Variants in PPFIBP1 observed in about 807,000 individuals in gnomAD.
The protein encoded by PPFIBP1 is PPFIB scaffold protein 1, also known as liprin-beta-1.
PPFIBP1 carries 112 observed loss-of-function variants against 137.8 expected under a neutral mutation model. The ratio of observed to expected loss-of-function variants is 0.81; its 90% confidence interval spans 0.70 to 0.95. The LOEUF (loss-of-function observed/expected upper bound fraction) is 0.95, where lower values mean the gene tolerates loss of function less well. PPFIBP1 is among the 40% of genes least tolerant of loss of function. The pLI is 0.00. For missense variants in PPFIBP1, 1,083 were observed against 1,196.6 expected (o/e 0.91, Z 1.40); for synonymous variants, 378 against 417.3 (o/e 0.91, Z 1.15).
intron 2 of PPFIBP1, among the ~76,000 whole-genome samples, chr12:27,617,705 C>A (rs529352984): frequency 6.6e-6 from 1 of 152,052 alleles, no homozygotes; most frequent in Non-Finnish European, 1.5e-5. Flanking sequence ...TTTTAAATTT[C>A]TTTTTTTATT....
chr12:27,621,287 C>T (rs561133710), intron 2 of PPFIBP1, among the ~76,000 whole-genome samples: 28 of 152,362 alleles, frequency 1.8e-4, no homozygotes, highest in African/African-American at 5.8e-4. Context: ...AGGCAGTGGG[C>T]TAGATTTGAC....
chr12:27,558,892 T>C (rs1053293231), intron 1 of PPFIBP1, among the ~76,000 whole-genome samples: 1 of 152,170 alleles, frequency 6.6e-6, no homozygotes, highest in Non-Finnish European at 1.5e-5. Flanking sequence ...AGGAAGGGTC[T>C]TGCTTTATTA....
At position 27,648,429 on chromosome 12, in the gene PPFIBP1, G is replaced by C. The variant is rs1322106604; in HGVS notation, c.471+587G>C. On this transcript the variant is annotated intron_variant, in intron 6 of 29. Transcript: ENST00000228425. ...TGTAAATTCATACAACTGCTATGGA[G>C]AACAGTTTGGAGGTTCCTCAAAAAA... Among the ~76,000 whole-genome samples, 6 of 152,306 alleles carry C rather than the reference G, an allele frequency of 3.9e-5. No homozygotes were observed. The East Asian group carries it at 1.2e-3, about 29-fold the overall frequency.
At chr12:27,591,200 T>C (rs1474627387) in intron 2 of PPFIBP1, among the ~76,000 whole-genome samples, 1 of 151,166 alleles carries the variant, frequency 6.6e-6, no homozygotes, top group East Asian at 1.9e-4. Flanking sequence ...GGAATTGAAA[T>C]TGAGGAAAGG....
intron 13 of PPFIBP1, among the ~76,000 whole-genome samples, chr12:27,669,102 A>T (rs1407864950): frequency 6.6e-6 from 1 of 152,112 alleles, no homozygotes; most frequent in Admixed American, 6.5e-5. Context: ...ACATTTTACT[A>T]TAGGTAGTGA....
intron 2 of PPFIBP1, among the ~76,000 whole-genome samples, chr12:27,628,064 T>A (rs2056978033): frequency 6.6e-6 from 1 of 152,144 alleles, no homozygotes; most frequent in Admixed American, 6.5e-5. Flanking sequence ...TTAATGTATT[T>A]CCTGGTACCT....
chr12:27,649,387 C>T (rs1464228408), intron 6 of PPFIBP1, among the ~76,000 whole-genome samples: 2 of 152,104 alleles, frequency 1.3e-5, no homozygotes, highest in Non-Finnish European at 2.9e-5. Flanking sequence ...CGGTGCCTGG[C>T]ACATAGCAAA....
intron 1 of PPFIBP1, among the ~76,000 whole-genome samples, chr12:27,539,783 T>TA (rs1041037109): frequency 1.2e-4 from 18 of 151,932 alleles, no homozygotes; most frequent in Non-Finnish European, 1.8e-4. Context: ...AAGACACAGT[T>TA]AAAAAAAAGG....
rs1565839006 is a variant in PPFIBP1 at position 27,596,110 on chromosome 12, A to ACACGCGCG, written c.-36+17871_-36+17872insCACGCGCG. Among the ~76,000 whole-genome samples, 6 of 32,716 alleles carry ACACGCGCG rather than the reference A, an allele frequency of 1.8e-4. No individual in the cohort carries two copies. In the South Asian group the frequency reaches 4.2e-3, roughly 23 times the overall value. 21.5% of individuals were successfully genotyped at this position (32,716 alleles called of 152,430 possible). On this transcript the variant is annotated intron_variant, in intron 2 of 29. Transcript: ENST00000228425. ...CACACACACACACACACACACACAT[A>ACACGCGCG]TGCTTACAAATGGCAAAAAGCCAAG...
chr12:27,663,236 TG>T (rs1277790808), intron 11 of PPFIBP1, among the ~76,000 whole-genome samples: 2 of 152,106 alleles, frequency 1.3e-5, no homozygotes, highest in African/African-American at 4.8e-5. Context: ...AGCCTTTGCT[TG>T]AATAACATTT....
At chr12:27,566,572 G>A (rs990101283) in intron 1 of PPFIBP1, among the ~76,000 whole-genome samples, 19 of 152,304 alleles carry the variant, frequency 1.2e-4, no homozygotes, top group African/African-American at 4.3e-4. Flanking sequence ...AGTTTGAGGA[G>A]GAGATTTTAA....
intron 12 of PPFIBP1, 87 bp from the exon 13 acceptor site, chr12:27,667,079 G>T (rs529283212): frequency 7.7e-7 from 1 of 1,306,794 alleles, no homozygotes; most frequent in African/African-American, 1.5e-5. Context: ...TTTTATATTC[G>T]TTATAATTGG....
At chr12:27,647,228 T>C (rs1593109057) in intron 5 of PPFIBP1, among the ~76,000 whole-genome samples, 1 of 152,142 alleles carries the variant, frequency 6.6e-6, no homozygotes, top group African/African-American at 2.4e-5. Context: ...CTTGAACTCC[T>C]GACTTCAAGT....
At chr12:27,630,467 T>C (rs529338107) in intron 2 of PPFIBP1, among the ~76,000 whole-genome samples, 1 of 152,316 alleles carries the variant, frequency 6.6e-6, no homozygotes, top group Non-Finnish European at 1.5e-5. Flanking sequence ...CATATGTATG[T>C]TATCTCATTT....
Position 27,679,925 on chromosome 12 carries a change from T to C in PPFIBP1, c.1767-8T>C. ...TCTAATACTGGCCATGTGTGTTGTC[T>C]TCTTTAGACTTAGGAGAAGTCAATC... is the stretch of plus-strand genomic sequence containing the variant. On this transcript the variant is annotated splice_polypyrimidine_tract_variant and splice_region_variant and intron_variant, in intron 20 of 29. Coordinates refer to ENST00000228425, the MANE Select transcript of PPFIBP1 (RefSeq NM_003622.4). 1.2e-6 allele frequency: 2 copies of C among 1,614,068 alleles called. No homozygotes were observed. Among genetic ancestry groups the C allele is most frequent in the Non-Finnish European group, 1.7e-6 (2 of 1,179,966 alleles).
At chr12:27,528,782 G>A (rs1224291501) in intron 1 of PPFIBP1, among the ~76,000 whole-genome samples, 2 of 152,170 alleles carry the variant, frequency 1.3e-5, no homozygotes, top group African/African-American at 4.8e-5. Context: ...TTTTTAGGCA[G>A]TTTGGGGGAG....
At chr12:27,575,063 G>T (rs1257574676) in intron 1 of PPFIBP1, among the ~76,000 whole-genome samples, 1 of 152,186 alleles carries the variant, frequency 6.6e-6, no homozygotes, top group East Asian at 1.9e-4. Context: ...TTTTAAGACA[G>T]TCTACTGAAG....
intron 2 of PPFIBP1, among the ~76,000 whole-genome samples, chr12:27,605,400 A>G (rs1355069975): frequency 6.6e-6 from 1 of 152,130 alleles, no homozygotes; most frequent in Non-Finnish European, 1.5e-5. Flanking sequence ...CAGAAGGGTA[A>G]GGGGAGCACT....
At chr12:27,660,137 C>T (rs2059451305) in intron 10 of PPFIBP1, among the ~76,000 whole-genome samples, 1 of 152,030 alleles carries the variant, frequency 6.6e-6, no homozygotes, top group African/African-American at 2.4e-5. Flanking sequence ...AGCAGTCCTC[C>T]CACCTTGGCC....
Sources: gnomAD v4.1 joint callset for allele counts (sites outside exome capture counted in the v4.1 genomes callset) on GRCh38, gnomAD v4.1.1 for gene constraint, MANE v1.5 for transcripts, NCBI Gene and HGNC (gene_info 2026-07-23, HGNC 2026-07-21) for gene names.